CSMD1: variants seen among roughly 807,000 people sequenced by gnomAD.
CSMD1 encodes CUB and Sushi multiple domains 1, also known as CUB and sushi domain-containing protein 1.
CSMD1 carries 213 observed loss-of-function variants against 417.5 expected under a neutral mutation model. The ratio of observed to expected loss-of-function variants is 0.51; its 90% CI spans 0.46 to 0.57. The LOEUF (loss-of-function observed/expected upper bound fraction) is 0.57, where lower values mean the gene tolerates loss of function less well. CSMD1 is among the 20% of genes least tolerant of loss of function. The pLI, the probability that CSMD1 is intolerant of heterozygous loss-of-function variation, is 0.00. For synonymous variants in CSMD1, 2,862 were observed against 1,736.8 expected (o/e 1.65, Z -16.11); for missense variants, 6,923 against 4,529.7 (o/e 1.53, Z -15.17).
At position 3,613,359 on chromosome 8, in the gene CSMD1, C is replaced by A. The variant is rs1801981913; in HGVS notation, c.1097+3351G>T. ...TAGCAATGAAATATTAACAATTATA[C>A]ACAAACTCTTCTATGGTATTCCAGA... On this transcript the variant is annotated intron_variant, in intron 8 of 69. Transcript: ENST00000635120. The A allele has an allele frequency of 1.1e-5, 4 of 377,050 alleles. No individual in the cohort carries two copies. The East Asian group carries it at 2.8e-4, about 26-fold the overall frequency. The allele number at this position is 377,050 out of a possible 1,614,324, so 23.4% of individuals were successfully genotyped here. A position where few individuals can be genotyped will look rare whatever the true frequency, so the allele number is the denominator to read the frequency against.
At chr8:4,150,062 G>C (rs772032474) in intron 3 of CSMD1, among the ~76,000 whole-genome samples, 1 of 152,206 alleles carries the variant, frequency 6.6e-6, no homozygotes, top group South Asian at 2.1e-4. Flanking sequence ...TGTGGGTGAA[G>C]AAGTTAATGT....
Position 4,709,765 on chromosome 8 carries a change from T to C in CSMD1, c.86-72207A>G, listed in dbSNP as rs560643755. ...GGTGAGCTCCATCAGTGCGTCCCTA[T>C]GGCTCCCAGGGAGAAGTCACAGGGG... On this transcript the variant is annotated intron_variant, in intron 1 of 69. Coordinates refer to ENST00000635120, the MANE Select transcript of CSMD1 (RefSeq NM_033225.6). Among the ~76,000 whole-genome samples the C allele has an allele frequency of 2.7e-3, 413 of 152,228 alleles. 3 individuals carry two copies. Among genetic ancestry groups the C allele is most frequent in the Non-Finnish European group, 3.5e-3 (241 of 68,006 alleles).
intron 52 of CSMD1, among the ~76,000 whole-genome samples, chr8:3,003,815 G>A (rs1010865889): frequency 1.3e-5 from 2 of 152,156 alleles, no homozygotes; most frequent in Admixed American, 6.5e-5. Context: ...ATGAGCGCTT[G>A]TTAGCCAGGA....
At chr8:3,864,592 A>G (rs372398158) in intron 5 of CSMD1, among the ~76,000 whole-genome samples, 1 of 152,164 alleles carries the variant, frequency 6.6e-6, no homozygotes, top group African/African-American at 2.4e-5. Flanking sequence ...AGCACTAGGT[A>G]TATCTCCTAG....
At chr8:3,945,085 G>T (rs570051321) in intron 5 of CSMD1, among the ~76,000 whole-genome samples, 4 of 148,964 alleles carry the variant, frequency 2.7e-5, no homozygotes, top group South Asian at 2.1e-4. Context: ...AAGACAATGT[G>T]AACAGGCTGA....
intron 8 of CSMD1, among the ~76,000 whole-genome samples, chr8:3,592,072 G>GGA (rs1351210764): frequency 6.6e-6 from 1 of 151,964 alleles, no homozygotes; most frequent in African/African-American, 2.4e-5. Flanking sequence ...GATAGATGGA[G>GGA]GAATTGACGG....
At chr8:4,185,860 C>G (rs950277966) in intron 3 of CSMD1, among the ~76,000 whole-genome samples, 1 of 152,166 alleles carries the variant, frequency 6.6e-6, no homozygotes, top group Non-Finnish European at 1.5e-5. Flanking sequence ...AGCAACCGTT[C>G]TTGTAGGCCT....
intron 5 of CSMD1, among the ~76,000 whole-genome samples, chr8:3,965,757 A>C (rs1030159084): frequency 6.6e-6 from 1 of 152,044 alleles, no homozygotes; most frequent in South Asian, 2.1e-4. Flanking sequence ...AGCTGGGACT[A>C]CAGGCATGTG....
intron 3 of CSMD1, among the ~76,000 whole-genome samples, chr8:4,127,951 G>A (rs1473816932): frequency 6.6e-6 from 1 of 152,198 alleles, no homozygotes; most frequent in Non-Finnish European, 1.5e-5. Flanking sequence ...ATTCTGTCTT[G>A]CAAAGCCTTG....
intron 54 of CSMD1, among the ~76,000 whole-genome samples, chr8:2,982,108 C>A (rs1007024243): frequency 6.6e-6 from 1 of 152,186 alleles, no homozygotes; most frequent in Non-Finnish European, 1.5e-5. Flanking sequence ...GTAATCCCAG[C>A]ACTTTGGGAG....
chr8:3,605,816 C>T (rs1315429003), intron 8 of CSMD1, among the ~76,000 whole-genome samples: 1 of 152,126 alleles, frequency 6.6e-6, no homozygotes, highest in African/African-American at 2.4e-5. Context: ...CCTTTAGAGC[C>T]TAGGTTATGA....
chr8:3,905,018 C>A (rs147954371), intron 5 of CSMD1, among the ~76,000 whole-genome samples: 1 of 152,104 alleles, frequency 6.6e-6, no homozygotes. Flanking sequence ...TACTCTTCAG[C>A]TAGAACTTGT....
At chr8:4,270,827 C>T (rs1042476853) in intron 3 of CSMD1, among the ~76,000 whole-genome samples, 4 of 152,216 alleles carry the variant, frequency 2.6e-5, no homozygotes, top group Non-Finnish European at 5.9e-5. Context: ...GCCCACCACA[C>T]TCCGTGACTT....
At chr8:3,563,237 C>T (rs891861559) in intron 10 of CSMD1, among the ~76,000 whole-genome samples, 2 of 151,668 alleles carry the variant, frequency 1.3e-5, no homozygotes, top group East Asian at 3.9e-4. Context: ...GTGACATCTC[C>T]GCACAAACCG....
intron 9 of CSMD1, among the ~76,000 whole-genome samples, chr8:3,580,591 A>T (rs189268233): frequency 1.7e-4 from 26 of 152,332 alleles, no homozygotes; most frequent in Admixed American, 1.7e-3. Flanking sequence ...AATAATAAGG[A>T]GAAAAATATA....
chr8:3,573,307 AC>A (rs1563165646), intron 10 of CSMD1, among the ~76,000 whole-genome samples: 1 of 152,204 alleles, frequency 6.6e-6, no homozygotes, highest in Non-Finnish European at 1.5e-5. Context: ...GATTGCAAGT[AC>A]TGAAAAATAA....
At chr8:2,955,264 G>A (rs555581869) in intron 64 of CSMD1, among the ~76,000 whole-genome samples, 1 of 152,108 alleles carries the variant, frequency 6.6e-6, no homozygotes, top group South Asian at 2.1e-4. Context: ...ACTATACCAA[G>A]TATTATTTTC....
Position 4,722,492 on chromosome 8 carries a change from T to C in CSMD1, c.86-84934A>G, listed in dbSNP as rs371975105. On this transcript the variant is annotated intron_variant, in intron 1 of 69. Coordinates refer to ENST00000635120, the MANE Select transcript of CSMD1 (RefSeq NM_033225.6). ...CTGAAGTCACTATATCCTGCTTCCA[T>C]TAGGACTTGGGAGGATTGCTGATTC... Among the ~76,000 whole-genome samples the C allele has an allele frequency of 1.5e-3, 221 of 152,208 alleles. 7 individuals are homozygous for C. The South Asian group carries it at 0.041, about 28-fold the overall frequency.
intron 1 of CSMD1, among the ~76,000 whole-genome samples, chr8:4,747,731 C>A (rs147115854): frequency 1.3e-5 from 2 of 152,184 alleles, no homozygotes; most frequent in East Asian, 3.9e-4. Context: ...AATGAGATGC[C>A]AATGTCCTGT....
Sources: gnomAD v4.1 joint callset for allele counts (sites outside exome capture counted in the v4.1 genomes callset) on GRCh38, gnomAD v4.1.1 for gene constraint, MANE v1.5 for transcripts, NCBI Gene and HGNC (gene_info 2026-07-23, HGNC 2026-07-21) for gene names.